CAMK1D: variants seen among roughly 807,000 people sequenced by gnomAD.
The protein encoded by CAMK1D is calcium/calmodulin dependent protein kinase ID, also known as calcium/calmodulin-dependent protein kinase type 1D.
CAMK1D carries 9 observed loss-of-function variants against 47.7 expected under a neutral mutation model. The ratio of observed to expected loss-of-function variants is 0.19; its 90% confidence interval spans 0.11 to 0.33. The LOEUF is 0.33. Among genes scored for constraint, CAMK1D ranks in the 10% least tolerant of loss-of-function variants. CAMK1D has a pLI of 1.00. For missense variants in CAMK1D, 291 were observed against 488.7 expected (o/e 0.60, Z 3.81); for synonymous variants, 184 against 184.9 (o/e 0.99, Z 0.04).
intron 2 of CAMK1D, among the ~76,000 whole-genome samples, chr10:12,578,468 G>A (rs2132331936): frequency 6.6e-6 from 1 of 150,848 alleles, no homozygotes; most frequent in South Asian, 2.1e-4. Context: ...TACTCGAGAG[G>A]CTGAGGCAGG....
At chr10:12,795,395 C>T (rs1202855101) in intron 6 of CAMK1D, among the ~76,000 whole-genome samples, 5 of 152,144 alleles carry the variant, frequency 3.3e-5, no homozygotes, top group African/African-American at 1.2e-4. Context: ...GTCCACCGTG[C>T]CTGGTCTCCC....
intron 3 of CAMK1D, among the ~76,000 whole-genome samples, chr10:12,723,676 T>A (rs1406331846): frequency 6.6e-6 from 1 of 152,096 alleles, no homozygotes; most frequent in Non-Finnish European, 1.5e-5. Flanking sequence ...TTAAAATACA[T>A]CATAAATAAT....
At position 12,541,424 on chromosome 10, in the gene CAMK1D, C is replaced by T. The variant is rs138033641; in HGVS notation, c.93-11801C>T. Among the ~76,000 whole-genome samples, 320 of 152,070 alleles carry T rather than the reference C, an allele frequency of 2.1e-3. 13 individuals carry two copies. The East Asian group carries it at 0.056, about 27-fold the overall frequency. On this transcript the variant is annotated intron_variant, in intron 1 of 10. Transcript: ENST00000619168. ...TGTGACCCAGGCTGGAGTGCAGTGA[C>T]GTGATCTCAGCTCACTGCAACCTCC...
intron 1 of CAMK1D, among the ~76,000 whole-genome samples, chr10:12,410,663 G>A (rs1428616467): frequency 6.6e-6 from 1 of 152,146 alleles, no homozygotes; most frequent in East Asian, 1.9e-4. Flanking sequence ...AGGCACTGGG[G>A]CATATATAGA....
chr10:12,429,203 G>A (rs116289750), intron 1 of CAMK1D, among the ~76,000 whole-genome samples: 12 of 152,108 alleles, frequency 7.9e-5, no homozygotes, highest in African/African-American at 2.2e-4. Context: ...CCTCACACAC[G>A]TGCTTTCCTC....
chr10:12,827,492 T>G (rs773454291), intron 10 of CAMK1D, among the ~76,000 whole-genome samples: 325 of 9,684 alleles, frequency 0.034, 88 homozygotes, highest in South Asian at 0.16. Context: ...CTTTCTTTCT[T>G]TCTTTCTTTC....
intron 4 of CAMK1D, among the ~76,000 whole-genome samples, chr10:12,765,958 C>CTTTTTTTTTTTTTTTTTTTTTT (rs147498267): frequency 1.2e-5 from 1 of 86,506 alleles, no homozygotes; most frequent in Non-Finnish European, 2.2e-5. Context: ...CCATCCTAAT[C>CTTTTTTTTTTTTTTTTTTTTTT]TTTTTTTTTT....
chr10:12,807,862 AC>A (rs1215673591), intron 6 of CAMK1D, among the ~76,000 whole-genome samples: 1 of 149,488 alleles, frequency 6.7e-6, no homozygotes, highest in Non-Finnish European at 1.5e-5. Context: ...CCTGACTCAA[AC>A]CCGCCACATC....
rs1833416865 is a variant in CAMK1D, at chr10:12,831,412, C to T, written c.*2525C>T. On this transcript the variant is annotated 3_prime_UTR_variant, in exon 11 of 11. Coordinates refer to ENST00000619168, the MANE Select transcript of CAMK1D (RefSeq NM_153498.4). Reference sequence around the variant, plus strand: ...AGTACATGAATAGTGATGAATAGCCCTTTGTGCTGTGTGCTATATACAACC... The same window carrying T: ...AGTACATGAATAGTGATGAATAGCCTTTTGTGCTGTGTGCTATATACAACC... 6.6e-6 allele frequency: 1 copy of T among 152,198 alleles called. No homozygotes were observed. The highest frequency in any genetic ancestry group is 1.5e-5 in the Non-Finnish European group (1 of 68,038). 9.4% of individuals were successfully genotyped at this position (152,198 alleles called of 1,614,324 possible). A position where few individuals can be genotyped will look rare whatever the true frequency, so the allele number is the denominator to read the frequency against.
In CAMK1D at chr10:12,618,112, C is replaced by T. The variant is rs12268017; in HGVS notation, c.225-48624C>T. ...GGTGACTTAATTAGATCCAGTGGTT[C>T]ATGATTAGCAGCCGATTCAGGGCTC... On this transcript the variant is annotated intron_variant, in intron 2 of 10. Coordinates refer to ENST00000619168, the MANE Select transcript of CAMK1D (RefSeq NM_153498.4). Among the ~76,000 whole-genome samples the T allele has an allele frequency of 9.3e-3, 1,410 of 152,242 alleles. 21 individuals are homozygous for T. The highest frequency in any genetic ancestry group is 0.033 in the African/African-American group (1,365 of 41,544).
chr10:12,366,846 A>G (rs1021448536), intron 1 of CAMK1D, among the ~76,000 whole-genome samples: 4 of 152,056 alleles, frequency 2.6e-5, no homozygotes, highest in African/African-American at 9.7e-5. Context: ...TGCCTGAGTC[A>G]CTGTGCATTG....
chr10:12,412,455 CAAAA>C (rs1180559333), intron 1 of CAMK1D, among the ~76,000 whole-genome samples: 9 of 118,706 alleles, frequency 7.6e-5, no homozygotes, highest in Non-Finnish European at 1.2e-4. Context: ...ACTAAAAATA[CAAAA>C]AAAAAAAAAA....
At chr10:12,424,499 C>G (rs1840160187) in intron 1 of CAMK1D, among the ~76,000 whole-genome samples, 1 of 152,174 alleles carries the variant, frequency 6.6e-6, no homozygotes, top group Admixed American at 6.5e-5. Flanking sequence ...CATACTCACC[C>G]CTGAGCCCTC....
At chr10:12,547,806 G>A (rs535565704) in intron 1 of CAMK1D, among the ~76,000 whole-genome samples, 39 of 152,256 alleles carry the variant, frequency 2.6e-4, no homozygotes, top group African/African-American at 1.7e-4. Flanking sequence ...GTGTCTTCAA[G>A]TGATTTCTAT....
At chr10:12,562,054 A>G (rs781139787) in intron 2 of CAMK1D, among the ~76,000 whole-genome samples, 53 of 152,188 alleles carry the variant, frequency 3.5e-4, no homozygotes, top group Non-Finnish European at 6.8e-4. Context: ...TTCTGTTGCT[A>G]TAGCATAATA....
At chr10:12,638,169 C>T (rs193111932) in intron 2 of CAMK1D, among the ~76,000 whole-genome samples, 1 of 152,266 alleles carries the variant, frequency 6.6e-6, no homozygotes, top group Admixed American at 6.5e-5. Context: ...ATGAAAAGGG[C>T]TAGGGGGTGG....
chr10:12,506,741 G>A (rs369063271), intron 1 of CAMK1D, among the ~76,000 whole-genome samples: 7 of 151,918 alleles, frequency 4.6e-5, no homozygotes, highest in African/African-American at 7.2e-5. Flanking sequence ...GATGGTCTCG[G>A]TCTCCTGACC....
chr10:12,557,942 C>T (rs914672182), intron 2 of CAMK1D, among the ~76,000 whole-genome samples: 1 of 152,156 alleles, frequency 6.6e-6, no homozygotes, highest in Non-Finnish European at 1.5e-5. Context: ...TGTACTTGCT[C>T]TGGAAATTGT....
At chr10:12,505,555 G>C (rs1834844695) in intron 1 of CAMK1D, among the ~76,000 whole-genome samples, 1 of 152,042 alleles carries the variant, frequency 6.6e-6, no homozygotes, top group Non-Finnish European at 1.5e-5. Context: ...CCGGCTCCTT[G>C]CTTGGTCTAC....
Sources: gnomAD v4.1 joint callset for allele counts (sites outside exome capture counted in the v4.1 genomes callset) on GRCh38, gnomAD v4.1.1 for gene constraint, MANE v1.5 for transcripts, NCBI Gene and HGNC (gene_info 2026-07-23, HGNC 2026-07-21) for gene names.